Variants in FMNL1 observed in about 807,000 individuals in gnomAD.
The protein encoded by FMNL1 is formin-like protein 1.
In FMNL1, 43 loss-of-function variants were observed where a neutral mutation model predicts 121.3. The observed-to-expected ratio is 0.35, with a 90% confidence interval of 0.28 to 0.46. The LOEUF is 0.46. Among genes scored for constraint, FMNL1 ranks in the 20% least tolerant of loss-of-function variants. The pLI is 1.00. For synonymous variants in FMNL1, 613 were observed against 613.5 expected (o/e 1.00, Z 0.01); for missense variants, 1,191 against 1,482.4 (o/e 0.80, Z 3.23).
rs545756082 is a variant in FMNL1 at position 45,223,907 on chromosome 17, G to A, written c.129+1654G>A. Among the ~76,000 whole-genome samples the A allele has an allele frequency of 1.8e-4, 28 of 152,298 alleles. No individual in the cohort carries two copies. In the South Asian group the frequency reaches 2.7e-3, roughly 15 times the overall value. On this transcript the variant is annotated intron_variant, in intron 1 of 26. Coordinates refer to ENST00000331495, the MANE Select transcript of FMNL1 (RefSeq NM_005892.4). ...GAAAATCCACAAGTCAAATGGTGAG[G>A]TTCTGATGTGTGTGTAGGACTTGTT...
chr17:45,232,307 G>A, intron 2 of FMNL1, 60 bp from the exon 3 acceptor site: 1 of 1,485,800 alleles, frequency 6.7e-7, no homozygotes, highest in Non-Finnish European at 9.4e-7. Flanking sequence ...GACGAGAACT[G>A]GTCATTTGCC....
chr17:45,221,930 G>T lies in FMNL1; in HGVS notation c.-195G>T, dbSNP rs559752852. The stretch of plus-strand genomic sequence containing the variant: ...CAGCTCGCCGCCCGGTCCCACGGAC[G>T]GGGCCGCCCCGATGGGACGCCGCGC... On this transcript the variant is annotated 5_prime_UTR_variant, in exon 1 of 27. Transcript: ENST00000331495. The T allele has an allele frequency of 1.0e-3, 354 of 350,630 alleles. No homozygotes were observed. The highest frequency in any genetic ancestry group is 6.3e-3 in the African/African-American group (293 of 46,254). 21.7% of individuals were successfully genotyped at this position (350,630 alleles called of 1,614,324 possible).
rs2043860215 is a variant in FMNL1, at chr17:45,247,299, T to G, written c.*441T>G. 1.2e-4 allele frequency: 33 copies of G among 265,424 alleles called. No homozygotes were observed. Among genetic ancestry groups the G allele is most frequent in the East Asian group, 3.5e-4 (5 of 14,316 alleles). 16.4% of individuals were successfully genotyped at this position (265,424 alleles called of 1,614,324 possible). A position where few individuals can be genotyped will look rare whatever the true frequency, so the allele number is the denominator to read the frequency against. On this transcript the variant is annotated 3_prime_UTR_variant, in exon 27 of 27. Transcript: ENST00000331495. The stretch of plus-strand genomic sequence containing the variant: ...CATGGACCTTATTTTTATATGAGAT[T>G]AATAAAGATGTTTGCAAAAGATCCG...
rs778758632 is a variant in FMNL1 at position 45,230,720 on chromosome 17, C to G, written c.213+33C>G. The G allele has an allele frequency of 1.9e-6, 3 of 1,608,000 alleles. No homozygotes were observed. In the South Asian group the frequency reaches 3.3e-5, roughly 18 times the overall value. On this transcript the variant is annotated intron_variant, in intron 2 of 26. Coordinates refer to ENST00000331495, the MANE Select transcript of FMNL1 (RefSeq NM_005892.4). ...CCAGCACTGCCCAGCCACCCCTTCC[C>G]TCCCACTGTCAGTACCCCACCCTGA...
chr17:45,241,889 C>G lies in FMNL1; in HGVS notation c.1628C>G (p.Pro543Arg). The G allele has an allele frequency of 2.1e-6, 3 of 1,419,512 alleles. No individual in the cohort carries two copies. Among genetic ancestry groups the G allele is most frequent in the Non-Finnish European group, 2.7e-6 (3 of 1,094,776 alleles). 87.9% of individuals were successfully genotyped at this position (1,419,512 alleles called of 1,614,324 possible). Reference sequence around the variant, plus strand: ...GAGCCGGCTCCCGGAGCAGCGCCACCGCCGCCGCCCCCACTGCCCGGCCTC... The same window carrying G: ...GAGCCGGCTCCCGGAGCAGCGCCACGGCCGCCGCCCCCACTGCCCGGCCTC... ...AAEPAPGAAPPPPPPLPGLPS... is the reference protein window; with the variant it reads ...AAEPAPGAAPRPPPPLPGLPS... The change falls in exon 15 of 27, where the codon CCG (proline) becomes CGG (arginine). Residue 543 changes from proline to arginine, a missense_variant. Around this residue, in one of 4 missense-constraint regions of FMNL1, gnomAD observed 519 missense variants for 492.8 expected, o/e 1.05. Transcript: ENST00000331495. This position sits in a 1 kb window ranked among gnomAD's most constrained non-coding sequence, Gnocchi z 7.0.
chr17:45,224,182 C>A (rs1251051034), intron 1 of FMNL1, among the ~76,000 whole-genome samples: 3 of 152,148 alleles, frequency 2.0e-5, no homozygotes, highest in Admixed American at 6.5e-5. Context: ...TGTCTTATAT[C>A]CTGTTGTGGG....
Position 45,234,146 on chromosome 17 carries a change from A to T in FMNL1, c.560A>T (p.Asp187Val), listed in dbSNP as rs767742597. Residue 187 changes from aspartate to valine, a missense_variant, in exon 6 of 27, where the codon GAC (aspartate) becomes GTC (valine). Coordinates refer to ENST00000331495, the MANE Select transcript of FMNL1 (RefSeq NM_005892.4). The part of the protein sequence containing the change: ...KNKPLEQSVE[D>V]LSKGPPSSVP... ...AAGCCCCTGGAGCAGTCTGTGGAAG[A>T]CCTCAGCAAGGGTCCACCCTCCTCC... 3.7e-6 allele frequency: 6 copies of T among 1,614,036 alleles called. No individual in the cohort carries two copies. Among genetic ancestry groups the T allele is most frequent in the Non-Finnish European group, 4.2e-6 (5 of 1,180,012 alleles).
At chr17:45,226,943 G>A (rs554857783) in intron 1 of FMNL1, among the ~76,000 whole-genome samples, 85 of 152,258 alleles carry the variant, frequency 5.6e-4, no homozygotes, top group African/African-American at 2.0e-3. Context: ...GCTTATAAGA[G>A]CCCCAGAAAA....
At chr17:45,242,298 A>G (rs369978271) in intron 15 of FMNL1, 43 bp from the exon 16 acceptor site, 5 of 1,605,614 alleles carry the variant, frequency 3.1e-6, no homozygotes, top group African/African-American at 1.3e-5. Flanking sequence ...TCCCTCCAGT[A>G]GTACCCCCAG....
In FMNL1 at chr17:45,241,510, G is replaced by A. The variant is rs766725957; in HGVS notation, c.1461G>A (p.Gly487=). 8.9e-6 allele frequency: 14 copies of A among 1,581,480 alleles called. No homozygotes were observed. Among genetic ancestry groups the A allele is most frequent in the Admixed American group, 3.6e-5 (2 of 55,004 alleles). Residue 487 remains glycine, a synonymous_variant, in exon 14 of 27, where the codon GGG becomes GGA. Transcript: ENST00000331495. This position sits in a 1 kb window ranked among gnomAD's most constrained non-coding sequence, Gnocchi z 7.0. ...ELKVEELEEK[G]LIRILRGPGD... ...AGGTGGAGGAGCTGGAGGAGAAGGG[G>A]TTAATCCGTATTCTGCGGGGGCCGG...
chr17:45,237,656 C>A lies in FMNL1; in HGVS notation c.894+17C>A, dbSNP rs745615726. On this transcript the variant is annotated intron_variant, in intron 9 of 26. Transcript: ENST00000331495. The surrounding 1 kb of genome is among the most constrained non-coding windows in gnomAD (Gnocchi z 4.4). ...TTCAAGGAGGTACCGGAGTCCCTCA[C>A]CCAAACATGCATTTCCCCCTATGGT... 4.3e-6 allele frequency: 7 copies of A among 1,612,692 alleles called. No homozygotes were observed. In the South Asian group the frequency reaches 7.7e-5, roughly 18 times the overall value.
chr17:45,222,643 A>G (rs1370778554), intron 1 of FMNL1, among the ~76,000 whole-genome samples: 6 of 152,060 alleles, frequency 3.9e-5, no homozygotes, highest in Non-Finnish European at 2.9e-5. Context: ...GTCTGGAGTC[A>G]AAGATGAAAG....
rs2043796352 is a variant in FMNL1, at chr17:45,245,002, T to C, written c.2622T>C (p.Asp874=). ...LDALLEMKST[D]RKQTLLHYLV... ...AGCTGTTGGAGATGAAGTCGACTGA[T>C]CGCAAGCAGACGCTGCTGCACTACC... Residue 874 remains aspartate (D), a synonymous_variant, in exon 21 of 27, where the codon GAT becomes GAC. Coordinates refer to ENST00000331495, the MANE Select transcript of FMNL1 (RefSeq NM_005892.4). The C allele has an allele frequency of 6.2e-7, 1 of 1,613,902 alleles. No homozygotes were observed. The highest frequency in any genetic ancestry group is 8.5e-7 in the Non-Finnish European group (1 of 1,179,834).
In FMNL1 at chr17:45,237,570, G is replaced by A. The variant is rs1006761929; in HGVS notation, c.825G>A (p.Leu275=). Residue 275 remains leucine, a synonymous_variant, in exon 9 of 27, where the codon CTG becomes CTA. Transcript: ENST00000331495. The surrounding 1 kb of genome is among the most constrained non-coding windows in gnomAD (Gnocchi z 4.4). ...NPRTKALVLE[L]LAAVCLVRGG... is the part of the protein sequence containing the mutation. ...GAACCAAGGCTCTGGTGCTGGAGCT[G>A]CTGGCGGCCGTGTGCTTGGTGCGGG... 1.2e-6 allele frequency: 2 copies of A among 1,614,202 alleles called. No individual in the cohort carries two copies. The highest frequency in any genetic ancestry group is 1.7e-5 in the Admixed American group (1 of 60,026).
intron 17 of FMNL1, 93 bp downstream of exon 17, chr17:45,243,413 A>T: frequency 1.4e-6 from 2 of 1,418,144 alleles, no homozygotes; most frequent in South Asian, 2.6e-5. Flanking sequence ...CTCAATGGTG[A>T]GCTCTTTCAT....
chr17:45,225,685 G>A (rs1321742415), intron 1 of FMNL1, among the ~76,000 whole-genome samples: 1 of 152,164 alleles, frequency 6.6e-6, no homozygotes, highest in Admixed American at 6.5e-5. Context: ...AGGTGGCTTG[G>A]GGGGCCTTTG....
intron 17 of FMNL1, 82 bp downstream of exon 17, chr17:45,243,402 C>G (rs1598209913): frequency 2.0e-6 from 3 of 1,484,906 alleles, no homozygotes; most frequent in Non-Finnish European, 2.8e-6. Context: ...AGTAAAAGAG[C>G]CTCAATGGTG....
intron 1 of FMNL1, among the ~76,000 whole-genome samples, chr17:45,226,602 T>C (rs549497328): frequency 7.2e-5 from 11 of 152,334 alleles, no homozygotes; most frequent in African/African-American, 2.6e-4. Context: ...AAATAGGGAT[T>C]ATAACAGTAT....
At chr17:45,240,830 T>G (rs1261429137) in intron 12 of FMNL1, 8 of 793,174 alleles carry the variant, frequency 1.0e-5, no homozygotes, top group Non-Finnish European at 1.6e-5. Flanking sequence ...GTGAGCACCC[T>G]CACTGACAGG....
Sources: gnomAD v4.1 joint callset for allele counts (sites outside exome capture counted in the v4.1 genomes callset) on GRCh38, gnomAD v4.1.1 for gene constraint, gnomAD v4.1.1 regional missense constraint, Gnocchi (gnomAD v3.1) non-coding constraint, MANE v1.5 for transcripts, NCBI Gene and HGNC (gene_info 2026-07-23, HGNC 2026-07-21) for gene names.